The following UNC13C variants were observed in gnomAD, a reference collection of about 807,000 sequenced individuals.
UNC13C encodes unc-13 homolog C.
In UNC13C, 174 loss-of-function variants were observed where a neutral mutation model predicts 245.4. The observed-to-expected ratio is 0.71, with a 90% CI of 0.63 to 0.80. The LOEUF (loss-of-function observed/expected upper bound fraction) is 0.80. Ranked by LOEUF, UNC13C falls within the 30% of genes least tolerant of loss-of-function variation. The pLI, the probability that UNC13C is intolerant of heterozygous loss-of-function variation, is 0.00. For missense variants in UNC13C, 2,829 were observed against 2,602.9 expected (o/e 1.09, Z -1.89); for synonymous variants, 992 against 895.1 (o/e 1.11, Z -1.93).
rs560376054 is a variant in UNC13C, at chr15:54,266,166, C to T, written c.3818+670C>T. Among the ~76,000 whole-genome samples the T allele has an allele frequency of 3.3e-5, 5 of 152,028 alleles. No homozygotes were observed. The South Asian group carries it at 1.0e-3, about 32-fold the overall frequency. On this transcript the variant is annotated intron_variant, in intron 10 of 32. Transcript: ENST00000260323. ...GTTCTCTCTTTGCAAATGCTTTAAA[C>T]AGGAATCTCATTACCATGGTAGGTA... is the stretch of plus-strand genomic sequence containing the variant.
intron 29 of UNC13C, among the ~76,000 whole-genome samples, chr15:54,561,252 AT>A (rs1296476251): frequency 6.6e-6 from 1 of 151,992 alleles, no homozygotes; most frequent in Non-Finnish European, 1.5e-5. Flanking sequence ...TCTAGTCCAG[AT>A]TAAAAGCTGA....
At chr15:54,295,030 C>T (rs2037392658) in intron 11 of UNC13C, among the ~76,000 whole-genome samples, 1 of 152,076 alleles carries the variant, frequency 6.6e-6, no homozygotes, top group South Asian at 2.1e-4. Flanking sequence ...AAACTAAGAA[C>T]TAATTATTAA....
chr15:54,153,778 G>A (rs1239229228), intron 4 of UNC13C, among the ~76,000 whole-genome samples: 2 of 151,970 alleles, frequency 1.3e-5, no homozygotes, highest in Non-Finnish European at 1.5e-5. Context: ...ATATATCCTA[G>A]AAAAATATGG....
intron 4 of UNC13C, among the ~76,000 whole-genome samples, chr15:54,165,921 A>G (rs980340956): frequency 6.6e-6 from 1 of 151,234 alleles, no homozygotes; most frequent in Admixed American, 6.6e-5. Context: ...AATTTGTATT[A>G]TTTTTAACAG....
chr15:54,185,539 A>G (rs2033948612), intron 4 of UNC13C, among the ~76,000 whole-genome samples: 1 of 150,928 alleles, frequency 6.6e-6, no homozygotes, highest in Admixed American at 6.6e-5. Flanking sequence ...TCCTTTCCCC[A>G]TTGCTTGTTT....
intron 4 of UNC13C, among the ~76,000 whole-genome samples, chr15:54,220,737 A>G (rs77728655): frequency 0.058 from 8,748 of 152,018 alleles, 884 homozygotes; most frequent in African/African-American, 0.2. Flanking sequence ...GGAAAGAATC[A>G]CTTTTTGACT....
the UNC13C span, among the ~76,000 whole-genome samples, chr15:53,916,449 G>A: frequency 6.6e-6 from 1 of 152,260 alleles, no homozygotes; most frequent in South Asian, 2.1e-4. Context: ...AGGCTGACCT[G>A]GAATGGAAAG....
rs532187543 is a variant in UNC13C at position 54,241,714 on chromosome 15, C to T, written c.3228+4024C>T. The stretch of plus-strand genomic sequence containing the variant: ...GTTTAGTCAAACCCTTCCCATTCCC[C>T]CTTTTCTCTTTATACAGTGGCCGGC... On this transcript the variant is annotated intron_variant, in intron 7 of 32. Coordinates refer to ENST00000260323, the MANE Select transcript of UNC13C (RefSeq NM_001080534.3). 2.8e-4 allele frequency among the ~76,000 whole-genome samples: 42 copies of T among 152,306 alleles called. No homozygotes were observed. The South Asian group carries it at 8.7e-3, about 32-fold the overall frequency.
Position 54,210,858 on chromosome 15 carries a change from G to A in UNC13C, c.3072-24172G>A, listed in dbSNP as rs572970352. Reference sequence around the variant, plus strand: ...CAGGATGACTTGGAGGTGGGCCTTTGTGGATGCAGGACACGCGGTGGACTT... The same window carrying A: ...CAGGATGACTTGGAGGTGGGCCTTTATGGATGCAGGACACGCGGTGGACTT... On this transcript the variant is annotated intron_variant, in intron 4 of 32. Coordinates refer to ENST00000260323, the MANE Select transcript of UNC13C (RefSeq NM_001080534.3). Among the ~76,000 whole-genome samples the A allele has an allele frequency of 8.5e-5, 13 of 152,240 alleles. No homozygotes were observed. The South Asian group carries it at 2.7e-3, about 32-fold the overall frequency.
chr15:53,853,976 T>G, the UNC13C span, among the ~76,000 whole-genome samples: 1 of 152,198 alleles, frequency 6.6e-6, no homozygotes, highest in Non-Finnish European at 1.5e-5. Flanking sequence ...TTTCTTTTGC[T>G]GTGCAGAAGC....
chr15:54,395,647 A>G (rs944003363), intron 18 of UNC13C, among the ~76,000 whole-genome samples: 1 of 151,776 alleles, frequency 6.6e-6, no homozygotes, highest in Non-Finnish European at 1.5e-5. Context: ...ACATTTTAAA[A>G]TCTCTTTCAA....
intron 19 of UNC13C, among the ~76,000 whole-genome samples, chr15:54,440,710 T>C (rs545837424): frequency 6.6e-6 from 1 of 152,226 alleles, no homozygotes; most frequent in South Asian, 2.1e-4. Context: ...TAGTTCTATT[T>C]TTAGATTTTG....
At chr15:54,586,819 C>T (rs1898515858) in intron 30 of UNC13C, among the ~76,000 whole-genome samples, 1 of 152,198 alleles carries the variant, frequency 6.6e-6, no homozygotes, top group African/African-American at 2.4e-5. Context: ...AACCAGCCAG[C>T]TCCTGGTTAG....
chr15:54,041,906 A>G (rs180979774), intron 2 of UNC13C, among the ~76,000 whole-genome samples: 2 of 152,320 alleles, frequency 1.3e-5, no homozygotes, highest in East Asian at 3.9e-4. Flanking sequence ...TAGTGCCGTC[A>G]GTGATGAAGA....
At chr15:54,053,728 C>T (rs1268792613) in intron 2 of UNC13C, among the ~76,000 whole-genome samples, 1 of 152,030 alleles carries the variant, frequency 6.6e-6, no homozygotes, top group Non-Finnish European at 1.5e-5. Flanking sequence ...AATACTAGAT[C>T]TTATTTATTC....
chr15:54,455,205 C>CTCTCTCTCTCTCTATA (rs1388065398), intron 19 of UNC13C, among the ~76,000 whole-genome samples: 2 of 18,964 alleles, frequency 1.1e-4, no homozygotes, highest in Non-Finnish European at 1.8e-4. Context: ...CTCTCTCTCT[C>CTCTCTCTCTCTCTATA]TATATATATA....
At chr15:54,470,604 A>G (rs1198445394) in intron 19 of UNC13C, among the ~76,000 whole-genome samples, 2 of 123,294 alleles carry the variant, frequency 1.6e-5, no homozygotes, top group East Asian at 3.3e-4. Flanking sequence ...TTTTTCATTT[A>G]TGATTTTATT....
At chr15:54,324,701 G>A (rs2038248359) in intron 14 of UNC13C, among the ~76,000 whole-genome samples, 1 of 151,972 alleles carries the variant, frequency 6.6e-6, no homozygotes, top group South Asian at 2.1e-4. Context: ...TTTGGGAAAA[G>A]GGTAGTATAT....
In UNC13C at chr15:54,155,492, A is replaced by G. The variant is rs117563590; in HGVS notation, c.3071+11808A>G. On this transcript the variant is annotated intron_variant, in intron 4 of 32. Coordinates refer to ENST00000260323, the MANE Select transcript of UNC13C (RefSeq NM_001080534.3). ...TGACTGAGGCCATTTTTGACAATAG[A>G]GTATAATCATGTATATTCACAATTA... Among the ~76,000 whole-genome samples the G allele has an allele frequency of 3.0e-3, 456 of 152,334 alleles. 15 individuals carry two copies. In the East Asian group the frequency reaches 0.065, roughly 22 times the overall value.
Sources: gnomAD v4.1 joint callset for allele counts (sites outside exome capture counted in the v4.1 genomes callset) on GRCh38, gnomAD v4.1.1 for gene constraint, MANE v1.5 for transcripts, NCBI Gene and HGNC (gene_info 2026-07-23, HGNC 2026-07-21) for gene names.